Variants in SETD1B observed in about 807,000 individuals in gnomAD.
SETD1B encodes the protein histone-lysine N-methyltransferase SETD1B.
A neutral mutation model predicts 148.0 loss-of-function variants in SETD1B; 7 were observed. That is an observed-to-expected ratio of 0.05 (90% confidence interval 0.03 to 0.09). The LOEUF (loss-of-function observed/expected upper bound fraction) is 0.09. Among genes scored for constraint, SETD1B ranks in the 10% least tolerant of loss-of-function variants. The pLI is 1.00. For synonymous variants in SETD1B, 1,361 were observed against 1,186.5 expected, an observed-to-expected ratio of 1.15 and a Z score of -3.02; for missense variants, 2,155 against 2,729.9, an observed-to-expected ratio of 0.79 and a Z score of 4.69.
At chr12:121,816,936 G>C in intron 7 of SETD1B, 97 bp from the exon 8 acceptor site, 1 of 1,135,244 alleles carries the variant, frequency 8.8e-7, no homozygotes, top group Non-Finnish European at 1.2e-6. Context: ...TGTGGTGGCT[G>C]TTACTGCCGA....
At chr12:121,811,214 G>A (rs2137554413) in intron 6 of SETD1B, among the ~76,000 whole-genome samples, 1 of 152,310 alleles carries the variant, frequency 6.6e-6, no homozygotes, top group East Asian at 1.9e-4. Flanking sequence ...CTTGTCTGTT[G>A]CGTGGCTTGG....
At chr12:121,798,801 A>G in the SETD1B span, among the ~76,000 whole-genome samples, 3 of 152,182 alleles carry the variant, frequency 2.0e-5, no homozygotes, top group African/African-American at 7.2e-5. Flanking sequence ...AATCACAAGG[A>G]GGGGGGCTCC....
intron 4 of SETD1B, among the ~76,000 whole-genome samples, chr12:121,807,871 G>A (rs1566547221): frequency 6.7e-6 from 1 of 149,368 alleles, no homozygotes; most frequent in South Asian, 2.1e-4. Flanking sequence ...GGAAGACCTG[G>A]CTCTGTGGGT....
At chr12:121,792,671 G>A in the SETD1B span, among the ~76,000 whole-genome samples, 49 of 152,316 alleles carry the variant, frequency 3.2e-4, no homozygotes, top group African/African-American at 1.1e-3. Context: ...AGAGCCTCAG[G>A]CTGCAGAGCG....
At chr12:121,803,821 G>GTTTAATTAAA (rs1875540151), upstream of SETD1B, 3 of 152,720 alleles carry the variant, frequency 2.0e-5, no homozygotes, top group Admixed American at 2.0e-4. The surrounding 1 kb of genome is among the most constrained non-coding windows in gnomAD (Gnocchi z 4.7). Flanking sequence ...TTCCCCCGGG[G>GTTTAATTAAA]AGGGGGAGGC....
chr12:121,818,148 G>C lies in SETD1B; in HGVS notation c.3418+244G>C, dbSNP rs77641806. On this transcript the variant is annotated intron_variant, in intron 10 of 16. Coordinates refer to ENST00000604567, the MANE Select transcript of SETD1B (RefSeq NM_001353345.2). ...TTAGGGCTGGGGAGCCCGGTGTTCA[G>C]GGGGGCTTGCTCAGCCTACATGGCT... is the stretch of plus-strand genomic sequence containing the variant. Among the ~76,000 whole-genome samples, 752 of 152,294 alleles carry C rather than the reference G, an allele frequency of 4.9e-3. 8 individuals are homozygous for C. Among genetic ancestry groups the C allele is most frequent in the African/African-American group, 0.017 (717 of 41,554 alleles).
At chr12:121,793,243 C>A in the SETD1B span, 2 of 1,550,748 alleles carry the variant, frequency 1.3e-6, no homozygotes, top group South Asian at 1.2e-5. Context: ...CGTAGTGCTG[C>A]GGGAGAGGGG....
At chr12:121,799,717 T>TGGGGGGGGGGGGGGGGGGGGGGGGG (rs1456064145), upstream of SETD1B, 2 of 19,134 alleles carry the variant, frequency 1.0e-4, no homozygotes, top group Non-Finnish European at 2.2e-4. Flanking sequence ...CGCTCGCAGC[T>TGGGGGGGGGGGGGGGGGGGGGGGGG]GGGGGGGGGG....
Position 121,822,884 on chromosome 12 carries a change from C to G in SETD1B, c.4305C>G (p.Thr1435=), listed in dbSNP as rs554027628. ...TPGRDFSFTP[T]FSEPSGPLLL... ...GCCGGGACTTCAGCTTCACACCCACCTTCTCCGAGCCCAGCGGGCCCTTGC... is the reference window on the plus strand; with the variant it reads ...GCCGGGACTTCAGCTTCACACCCACGTTCTCCGAGCCCAGCGGGCCCTTGC... The change falls in exon 12 of 17, where the codon ACC becomes ACG. Residue 1435 remains threonine, a synonymous_variant. Transcript: ENST00000604567. The G allele has an allele frequency of 6.7e-7, 1 of 1,489,774 alleles. No homozygotes were observed. The highest frequency in any genetic ancestry group is 9.0e-7 in the Non-Finnish European group (1 of 1,114,356). The allele number at this position is 1,489,774 out of a possible 1,614,324, so 92.3% of individuals were successfully genotyped here. A position where few individuals can be genotyped will look rare whatever the true frequency, so the allele number is the denominator to read the frequency against.
Position 121,817,282 on chromosome 12 carries a change from G to A in SETD1B, c.2965G>A (p.Glu989Lys). Residue 989 changes from glutamate (E) to lysine (K), a missense_variant, in exon 8 of 17, where the codon GAG becomes AAG. Physicochemically the swap from Glu to Lys is moderately conservative, Grantham distance 56. Around this residue, in one of 11 missense-constraint regions of SETD1B, gnomAD observed 289 missense variants for 423.7 expected, o/e 0.68. Coordinates refer to ENST00000604567, the MANE Select transcript of SETD1B (RefSeq NM_001353345.2). This position sits in a 1 kb window ranked among gnomAD's most constrained non-coding sequence, Gnocchi z 8.1. ...GCTGCGGCCCTCGACCTCTGTGGATGAGGAAGATGAAGGTTCGTGCTCTGG... is the reference window on the plus strand; with the variant it reads ...GCTGCGGCCCTCGACCTCTGTGGATAAGGAAGATGAAGGTTCGTGCTCTGG... ...KRLRPSTSVD[E>K]EDEESERERD... 1 of 1,550,610 alleles carries A rather than the reference G, an allele frequency of 6.4e-7. No homozygotes were observed. Among genetic ancestry groups the A allele is most frequent in the South Asian group, 1.2e-5 (1 of 84,032 alleles).
In SETD1B at chr12:121,804,690, G is replaced by A; in HGVS notation, c.-14-34G>A. 6.5e-7 allele frequency: 1 copy of A among 1,532,178 alleles called. No homozygotes were observed. The highest frequency in any genetic ancestry group is 8.8e-7 in the Non-Finnish European group (1 of 1,138,870). 94.9% of individuals were successfully genotyped at this position (1,532,178 alleles called of 1,614,324 possible). A position where few individuals can be genotyped will look rare whatever the true frequency, so the allele number is the denominator to read the frequency against. ...TGTAGAAGCGGCCGCCGCCGCCGCCGCGGCGGAGACGACAACAACTTGCTG... is the reference window on the plus strand; with the variant it reads ...TGTAGAAGCGGCCGCCGCCGCCGCCACGGCGGAGACGACAACAACTTGCTG... On this transcript the variant is annotated intron_variant, in intron 1 of 16. Coordinates refer to ENST00000604567, the MANE Select transcript of SETD1B (RefSeq NM_001353345.2). The surrounding 1 kb of genome is among the most constrained non-coding windows in gnomAD (Gnocchi z 4.6).
In SETD1B at chr12:121,805,585, T is replaced by C. The variant is rs1007151826; in HGVS notation, c.274-250T>C. Among the ~76,000 whole-genome samples the C allele has an allele frequency of 3.3e-5, 5 of 151,932 alleles. No homozygotes were observed. The highest frequency in any genetic ancestry group is 1.2e-4 in the African/African-American group (5 of 41,356). On this transcript the variant is annotated intron_variant, in intron 3 of 16. Coordinates refer to ENST00000604567, the MANE Select transcript of SETD1B (RefSeq NM_001353345.2). This position sits in a 1 kb window ranked among gnomAD's most constrained non-coding sequence, Gnocchi z 4.2. ...GGGGGGTGGGGAAAGAGAAACTGTT[T>C]CTTTTTCCCCTTTCCTTCCGAACCC... is the stretch of plus-strand genomic sequence containing the variant.
Position 121,819,914 on chromosome 12 carries a change from T to TGGGG in SETD1B, c.3910+22_3910+23insGGGG. ...GCTCCAGGTAACACCTGCAACCCCC[T>TGGGG]GGGAGGGTGGTGGGAGGGAGGCAGG... On this transcript the variant is annotated intron_variant, in intron 11 of 16. Transcript: ENST00000604567. 1 of 1,540,338 alleles carries TGGGG rather than the reference T, an allele frequency of 6.5e-7. No homozygotes were observed. The highest frequency in any genetic ancestry group is 8.8e-7 in the Non-Finnish European group (1 of 1,142,292).
rs549533049 is a variant in SETD1B, at chr12:121,830,028, G to A, written c.5728-38G>A. On this transcript the variant is annotated intron_variant, in intron 16 of 16. Transcript: ENST00000604567. The surrounding 1 kb of genome is among the most constrained non-coding windows in gnomAD (Gnocchi z 5.7). ...GTCTGCAGTGGTGGGGGACCCTGGGGGACCAGGGGCTCATTCTCCCCCCCA... is the reference window on the plus strand; with the variant it reads ...GTCTGCAGTGGTGGGGGACCCTGGGAGACCAGGGGCTCATTCTCCCCCCCA... The A allele has an allele frequency of 2.5e-4, 376 of 1,532,826 alleles. No homozygotes were observed. In the Middle Eastern group the frequency reaches 5.5e-3, roughly 22 times the overall value. The allele number at this position is 1,532,826 out of a possible 1,614,324, so 95.0% of individuals were successfully genotyped here.
chr12:121,819,281 A>C, intron 10 of SETD1B, 123 bp from the exon 11 acceptor site: 1 of 1,489,918 alleles, frequency 6.7e-7, no homozygotes, highest in Non-Finnish European at 8.9e-7. Context: ...CATGCCCCAC[A>C]CACATATCTG....
At position 121,804,704 on chromosome 12, in the gene SETD1B, A is replaced by G. The variant is rs903385543; in HGVS notation, c.-14-20A>G. ...CCGCCGCCGCCGCGGCGGAGACGACAACAACTTGCTGGTTTTCAGGTTGGG... is the reference window on the plus strand; with the variant it reads ...CCGCCGCCGCCGCGGCGGAGACGACGACAACTTGCTGGTTTTCAGGTTGGG... On this transcript the variant is annotated intron_variant, in intron 1 of 16. Transcript: ENST00000604567. The surrounding 1 kb of genome is among the most constrained non-coding windows in gnomAD (Gnocchi z 4.6). The G allele has an allele frequency of 5.8e-6, 9 of 1,544,486 alleles. No homozygotes were observed. The highest frequency in any genetic ancestry group is 2.2e-4 in the Middle Eastern group (1 of 4,632).
chr12:121,820,911 G>A (rs1194994331), intron 11 of SETD1B, among the ~76,000 whole-genome samples: 3 of 152,158 alleles, frequency 2.0e-5, no homozygotes, highest in Non-Finnish European at 2.9e-5. Context: ...TAGGGCCCAC[G>A]GACATGCAGT....
the SETD1B span, among the ~76,000 whole-genome samples, chr12:121,790,409 A>C: frequency 6.6e-6 from 1 of 152,132 alleles, no homozygotes; most frequent in Non-Finnish European, 1.5e-5. Context: ...GCCTCTCTCT[A>C]CGTGGCCGCC....
chr12:121,819,601 C>T lies in SETD1B; in HGVS notation c.3616C>T (p.Pro1206Ser). The change falls in exon 11 of 17, where the codon CCT becomes TCT. Residue 1206 changes from proline (P) to serine (S), a missense_variant. Around this residue, in one of 11 missense-constraint regions of SETD1B, gnomAD observed 862 missense variants for 873.8 expected, o/e 0.99. Coordinates refer to ENST00000604567, the MANE Select transcript of SETD1B (RefSeq NM_001353345.2). ...VAEESMASAG[P>S]EDFEQDGEEA... is the part of the protein sequence containing the mutation. The stretch of plus-strand genomic sequence containing the variant: ...CGAGGAAAGCATGGCTTCTGCAGGC[C>T]CTGAGGACTTTGAGCAGGACGGGGA... 6.4e-7 allele frequency: 1 copy of T among 1,552,082 alleles called. No individual in the cohort carries two copies. Among genetic ancestry groups the T allele is most frequent in the South Asian group, 1.2e-5 (1 of 84,062 alleles).
Sources: gnomAD v4.1 joint callset for allele counts (sites outside exome capture counted in the v4.1 genomes callset) on GRCh38, gnomAD v4.1.1 for gene constraint, gnomAD v4.1.1 regional missense constraint, Gnocchi (gnomAD v3.1) non-coding constraint, MANE v1.5 for transcripts, NCBI Gene and HGNC (gene_info 2026-07-23, HGNC 2026-07-21) for gene names.